FSHR: variants seen among roughly 807,000 people sequenced by gnomAD.
The protein encoded by FSHR is follicle-stimulating hormone receptor.
A neutral mutation model predicts 52.1 loss-of-function variants in FSHR; 46 were observed. That is an observed-to-expected ratio of 0.88 (90% CI 0.70 to 1.13). The LOEUF (loss-of-function observed/expected upper bound fraction) is 1.13. Among genes scored for constraint, FSHR ranks in the 50% most tolerant of loss-of-function variants. The probability of loss-of-function intolerance (pLI) is 0.00; values close to 1 mark genes in which losing one functional copy is unlikely to be tolerated. For missense variants in FSHR, 964 were observed against 834.6 expected, an observed-to-expected ratio of 1.16 and a Z score of -1.91; for synonymous variants, 399 against 309.6, an observed-to-expected ratio of 1.29 and a Z score of -3.03.
At chr2:49,027,939 G>A (rs1667966916) in intron 2 of FSHR, among the ~76,000 whole-genome samples, 1 of 151,764 alleles carries the variant, frequency 6.6e-6, no homozygotes. Context: ...AGAAAAGGTA[G>A]TCAATTTCTT....
intron 1 of FSHR, among the ~76,000 whole-genome samples, chr2:49,120,957 G>T (rs1419854147): frequency 6.6e-6 from 1 of 152,202 alleles, no homozygotes; most frequent in Admixed American, 6.5e-5. Flanking sequence ...GTGATTTGGG[G>T]TTTTTCTTCA....
intron 1 of FSHR, among the ~76,000 whole-genome samples, chr2:49,110,657 G>A (rs890796839): frequency 3.3e-5 from 5 of 152,040 alleles, no homozygotes; most frequent in African/African-American, 9.7e-5. Context: ...AAAAGTAGGT[G>A]CCTTATAAAT....
chr2:49,143,383 T>C (rs1672757319), intron 1 of FSHR, among the ~76,000 whole-genome samples: 1 of 152,178 alleles, frequency 6.6e-6, no homozygotes, highest in African/African-American at 2.4e-5. Context: ...AGCACATTCC[T>C]CTTATATTCA....
intron 1 of FSHR, among the ~76,000 whole-genome samples, chr2:49,073,899 A>T (rs1669849407): frequency 6.6e-6 from 1 of 152,058 alleles, no homozygotes; most frequent in Non-Finnish European, 1.5e-5. Context: ...TTGACATTCA[A>T]CTAATTTTTG....
intron 8 of FSHR, 49 bp downstream of exon 8, chr2:48,982,863 A>C (rs1675314563): frequency 6.7e-7 from 1 of 1,489,526 alleles, no homozygotes; most frequent in Non-Finnish European, 9.4e-7. Context: ...TTGACTTCTA[A>C]CTTACACAAA....
intron 4 of FSHR, chr2:49,014,838 G>A (rs761604213): frequency 1.3e-5 from 6 of 455,468 alleles, no homozygotes; most frequent in South Asian, 8.2e-5. Flanking sequence ...GAATGAAAGT[G>A]TCTCTGGGGA....
chr2:49,012,179 C>T (rs1476185628), intron 4 of FSHR, among the ~76,000 whole-genome samples: 1 of 152,096 alleles, frequency 6.6e-6, no homozygotes, highest in African/African-American at 2.4e-5. Flanking sequence ...CAAAGAGAAA[C>T]ATCCAGCTGC....
intron 1 of FSHR, among the ~76,000 whole-genome samples, chr2:49,130,003 T>A (rs973647648): frequency 6.6e-6 from 1 of 152,246 alleles, no homozygotes. Context: ...AAATCTTATT[T>A]GTGCTATGTT....
At chr2:49,146,696 C>T (rs1672883727) in intron 1 of FSHR, among the ~76,000 whole-genome samples, 1 of 152,152 alleles carries the variant, frequency 6.6e-6, no homozygotes, top group African/African-American at 2.4e-5. Context: ...CCTGAAGATG[C>T]TTGTAAAATC....
chr2:48,970,284 T>C (rs2104013379), intron 8 of FSHR, among the ~76,000 whole-genome samples: 1 of 152,326 alleles, frequency 6.6e-6, no homozygotes, highest in Admixed American at 6.5e-5. Flanking sequence ...AAATTTATAC[T>C]AGTTGTTCAT....
chr2:49,033,498 G>C (rs1668174316), intron 2 of FSHR, among the ~76,000 whole-genome samples: 1 of 152,204 alleles, frequency 6.6e-6, no homozygotes, highest in African/African-American at 2.4e-5. Flanking sequence ...AAGGGGAGTT[G>C]ATGAAGAGGC....
rs200436300 is a variant in FSHR, at chr2:49,151,141, C to CTTTT, written c.152+3121_152+3124dup. The stretch of plus-strand genomic sequence containing the variant: ...CTGGTTTAAAATGTAAAGGATTACT[C>CTTTT]TTTTTTTTTTTTTTTTTTCAGAATA... On this transcript the variant is annotated intron_variant, in intron 1 of 9. Transcript: ENST00000406846. Among the ~76,000 whole-genome samples, 331 of 114,982 alleles carry CTTTT rather than the reference C, an allele frequency of 2.9e-3. 8 individuals are homozygous for CTTTT. Among genetic ancestry groups the CTTTT allele is most frequent in the African/African-American group, 0.01 (311 of 31,066 alleles). 75.4% of individuals were successfully genotyped at this position (114,982 alleles called of 152,430 possible). A position where few individuals can be genotyped will look rare whatever the true frequency, so the allele number is the denominator to read the frequency against.
chr2:48,999,368 G>A lies in FSHR; in HGVS notation c.375-8731C>T, dbSNP rs554452002. ...CAGTAGCTTTCTCAAAGCCACATAA[G>A]GAGAAGCACAGCTAGAGGTTGAATT... On this transcript the variant is annotated intron_variant, in intron 4 of 9. Coordinates refer to ENST00000406846, the MANE Select transcript of FSHR (RefSeq NM_000145.4). Among the ~76,000 whole-genome samples, 15 of 152,156 alleles carry A rather than the reference G, an allele frequency of 9.9e-5. No homozygotes were observed. The Middle Eastern group carries it at 0.01, about 104-fold the overall frequency.
At chr2:48,999,156 C>G (rs1336601322) in intron 4 of FSHR, among the ~76,000 whole-genome samples, 1 of 152,064 alleles carries the variant, frequency 6.6e-6, no homozygotes, top group Non-Finnish European at 1.5e-5. Flanking sequence ...ATGTGCTATT[C>G]TGTTCTGGAA....
Position 49,006,166 on chromosome 2 carries a change from C to T in FSHR, c.374+11323G>A, listed in dbSNP as rs150869278. ...CTTGTGATTGTGTGAGTTAATACTACTAAATAAACTCCCCTTTATGTATAC... is the reference window on the plus strand; with the variant it reads ...CTTGTGATTGTGTGAGTTAATACTATTAAATAAACTCCCCTTTATGTATAC... On this transcript the variant is annotated intron_variant, in intron 4 of 9. Transcript: ENST00000406846. Among the ~76,000 whole-genome samples, 14 of 152,188 alleles carry T rather than the reference C, an allele frequency of 9.2e-5. 1 individual carries two copies. The East Asian group carries it at 2.5e-3, about 27-fold the overall frequency.
At chr2:49,054,203 A>T (rs1572684935) in intron 2 of FSHR, among the ~76,000 whole-genome samples, 1 of 152,328 alleles carries the variant, frequency 6.6e-6, no homozygotes, top group East Asian at 1.9e-4. Flanking sequence ...TGGGGGGATG[A>T]AAAAGGGTTG....
chr2:49,129,050 T>G (rs1288936793), intron 1 of FSHR, among the ~76,000 whole-genome samples: 2 of 56,842 alleles, frequency 3.5e-5, no homozygotes, highest in African/African-American at 5.8e-5. Flanking sequence ...TTTTCTTGTT[T>G]TTTTTTTTTT....
At chr2:49,045,914 A>G (rs367734668) in intron 2 of FSHR, among the ~76,000 whole-genome samples, 5 of 152,334 alleles carry the variant, frequency 3.3e-5, no homozygotes, top group African/African-American at 1.2e-4. Context: ...TTGTACTGAC[A>G]TGACTATAAG....
intron 1 of FSHR, among the ~76,000 whole-genome samples, chr2:49,087,070 G>GATTTTTTTTTT (rs60949511): frequency 1.2e-5 from 1 of 86,726 alleles, no homozygotes; most frequent in African/African-American, 4.3e-5. Flanking sequence ...TGTGGGCAGG[G>GATTTTTTTTTT]TTTTTTTTTT....
Sources: allele counts gnomAD v4.1 joint callset (sites outside exome capture counted in the v4.1 genomes callset), GRCh38; gene constraint gnomAD v4.1.1; transcripts MANE v1.5; gene names NCBI Gene and HGNC (gene_info 2026-07-23, HGNC 2026-07-21).